RHPN2: variants seen among roughly 807,000 people sequenced by gnomAD.
RHPN2 encodes the protein rhophilin Rho GTPase binding protein 2.
In RHPN2, 40 loss-of-function variants were observed where a neutral mutation model predicts 79.0. The observed-to-expected ratio is 0.51, with a 90% CI of 0.39 to 0.66. The LOEUF (loss-of-function observed/expected upper bound fraction) is 0.66. RHPN2 is among the 30% of genes least tolerant of loss of function. The pLI is 0.00. For missense variants in RHPN2, 686 were observed against 883.5 expected, an observed-to-expected ratio of 0.78 and a Z score of 2.83; for synonymous variants, 285 against 363.5, an observed-to-expected ratio of 0.78 and a Z score of 2.46.
chr19:33,009,538 C>T (rs913876125), intron 6 of RHPN2, among the ~76,000 whole-genome samples: 4 of 152,140 alleles, frequency 2.6e-5, no homozygotes, highest in Non-Finnish European at 5.9e-5. Flanking sequence ...GCAGCCTCAA[C>T]CTCCTGGGCT....
intron 1 of RHPN2, among the ~76,000 whole-genome samples, chr19:33,045,640 A>G (rs1568325068): frequency 6.6e-6 from 1 of 151,736 alleles, no homozygotes; most frequent in Non-Finnish European, 1.5e-5. Context: ...CGCCTGGCTA[A>G]TTTTTGTATT....
chr19:33,026,616 T>C lies in RHPN2; in HGVS notation c.202A>G (p.Lys68Glu). 6.2e-7 allele frequency: 1 copy of C among 1,607,466 alleles called. No individual in the cohort carries two copies. The highest frequency in any genetic ancestry group is 8.5e-7 in the Non-Finnish European group (1 of 1,179,188). ...ENLLKVATNS[K>E]VREQVRLELS... ...TCCAGCCGCACTTGCTCCCGCACCT[T>C]TGAGTTTGTGGCCACTCTGTTCAAA... Residue 68 changes from lysine (K) to glutamate (E), a missense_variant, in exon 3 of 15, where the codon AAG becomes GAG. Lys to Glu is a moderately conservative substitution (Grantham distance 56). Coordinates refer to ENST00000254260, the MANE Select transcript of RHPN2 (RefSeq NM_033103.5).
intron 3 of RHPN2, among the ~76,000 whole-genome samples, chr19:33,023,172 C>T (rs141337838): frequency 0.058 from 8,883 of 152,156 alleles, 524 homozygotes; most frequent in African/African-American, 0.16. Flanking sequence ...CAGTGGCTCA[C>T]GCCCATAATC....
chr19:33,040,675 T>C (rs1972093834), intron 2 of RHPN2, among the ~76,000 whole-genome samples: 1 of 152,032 alleles, frequency 6.6e-6, no homozygotes. Flanking sequence ...AAAAGTACGG[T>C]CAGGCATGGT....
At chr19:33,035,516 G>C (rs1308284710) in intron 2 of RHPN2, among the ~76,000 whole-genome samples, 1 of 152,308 alleles carries the variant, frequency 6.6e-6, no homozygotes, top group South Asian at 2.1e-4. Context: ...CTCAGGGTTG[G>C]TTTCTGTAAT....
intron 2 of RHPN2, among the ~76,000 whole-genome samples, chr19:33,043,424 T>A (rs1218077534): frequency 2.6e-5 from 4 of 151,650 alleles, no homozygotes; most frequent in Admixed American, 2.0e-4. Context: ...TGGTGGTGCA[T>A]GCCTGTGGTC....
At position 32,990,586 on chromosome 19, in the gene RHPN2, C is replaced by T; in HGVS notation, c.1728G>A (p.Lys576=). Residue 576 remains lysine, a synonymous_variant, in exon 14 of 15, where the codon AAG becomes AAA. Coordinates refer to ENST00000254260, the MANE Select transcript of RHPN2 (RefSeq NM_033103.5). ...CKWLTLSEVM[K]LLKSFGEDEI... is the part of the protein sequence containing the mutation. ...CGTCCTCGCCAAAGCTCTTCAGCAG[C>T]TTCATAACCTCACTCAGCGTCAGCC... The T allele has an allele frequency of 6.2e-7, 1 of 1,613,898 alleles. No homozygotes were observed. Among genetic ancestry groups the T allele is most frequent in the Non-Finnish European group, 8.5e-7 (1 of 1,179,850 alleles).
At chr19:33,005,023 C>A (rs62127399) in intron 7 of RHPN2, among the ~76,000 whole-genome samples, 1 of 150,910 alleles carries the variant, frequency 6.6e-6, no homozygotes, top group Non-Finnish European at 1.5e-5. Context: ...TGCAAGCAGA[C>A]GGCAGGCAGA....
intron 1 of RHPN2, among the ~76,000 whole-genome samples, chr19:33,056,875 C>T (rs1002436277): frequency 2.7e-5 from 4 of 149,968 alleles, no homozygotes; most frequent in Non-Finnish European, 5.9e-5. Context: ...TTTGGGAAGC[C>T]GAGGCGGGCA....
At chr19:33,013,195 ACAAAAAC>A (rs1385192724) in intron 4 of RHPN2, among the ~76,000 whole-genome samples, 6 of 146,318 alleles carry the variant, frequency 4.1e-5, no homozygotes, top group African/African-American at 1.3e-4. Context: ...TTTTAAAAAA[ACAAAAAC>A]AAAAAACAAA....
intron 1 of RHPN2, among the ~76,000 whole-genome samples, chr19:33,051,940 G>A (rs7259035): frequency 0.013 from 1,896 of 147,952 alleles, 44 homozygotes; most frequent in African/African-American, 0.045. Context: ...GCAGTGAGCC[G>A]AGAACTTGCC....
chr19:33,008,258 T>C (rs542520314), intron 6 of RHPN2, 78 bp from the exon 7 acceptor site: 1 of 1,482,940 alleles, frequency 6.7e-7, no homozygotes. Flanking sequence ...TTCTTTTTTT[T>C]TTTTTTTTTA....
intron 13 of RHPN2, among the ~76,000 whole-genome samples, 195 bp downstream of exon 13, chr19:32,991,628 C>T (rs1313190472): frequency 1.3e-5 from 2 of 149,796 alleles, no homozygotes; most frequent in Non-Finnish European, 3.0e-5. Context: ...GCCTCCACCT[C>T]CCAAAGTCTA....
intron 3 of RHPN2, among the ~76,000 whole-genome samples, chr19:33,021,930 G>C (rs1971927506): frequency 6.6e-6 from 1 of 151,718 alleles, no homozygotes; most frequent in East Asian, 1.9e-4. Context: ...ATGCCTCAAT[G>C]GTTCCTTTTT....
At chr19:33,056,548 A>G (rs890849252) in intron 1 of RHPN2, among the ~76,000 whole-genome samples, 13 of 152,196 alleles carry the variant, frequency 8.5e-5, no homozygotes, top group Non-Finnish European at 1.9e-4. Context: ...GCATTTAACT[A>G]CAGGCCAGAG....
chr19:33,011,470 C>T (rs2145237923), intron 6 of RHPN2, among the ~76,000 whole-genome samples: 1 of 152,006 alleles, frequency 6.6e-6, no homozygotes, highest in East Asian at 1.9e-4. Context: ...CAAGAGGCCA[C>T]AGTCTGTTGG....
At chr19:33,034,888 T>G (rs1182238396) in intron 2 of RHPN2, among the ~76,000 whole-genome samples, 1 of 151,804 alleles carries the variant, frequency 6.6e-6, no homozygotes. Flanking sequence ...TGCTTGAGGC[T>G]AGGAGTTCAA....
chr19:33,036,114 C>G (rs1185772523), intron 2 of RHPN2, among the ~76,000 whole-genome samples: 2 of 141,348 alleles, frequency 1.4e-5, no homozygotes, highest in Non-Finnish European at 3.0e-5. Flanking sequence ...CAGACTCCAT[C>G]TCAAAAAAAA....
chr19:33,045,000 G>A (rs1388295747), intron 1 of RHPN2, among the ~76,000 whole-genome samples: 2 of 151,156 alleles, frequency 1.3e-5, no homozygotes, highest in Non-Finnish European at 2.9e-5. Flanking sequence ...GGACAGAAAG[G>A]CACCCACACC....
Sources: allele counts gnomAD v4.1 joint callset (sites outside exome capture counted in the v4.1 genomes callset), GRCh38; gene constraint gnomAD v4.1.1; transcripts MANE v1.5; gene names NCBI Gene and HGNC (gene_info 2026-07-23, HGNC 2026-07-21).